Variants in FAM204A observed in about 807,000 individuals in gnomAD.
FAM204A encodes the protein protein FAM204A.
A neutral mutation model predicts 35.4 loss-of-function variants in FAM204A; 16 were observed. The ratio of observed to expected loss-of-function variants is 0.45; its 90% CI spans 0.31 to 0.69. The LOEUF (loss-of-function observed/expected upper bound fraction) is 0.69. FAM204A is among the 30% of genes least tolerant of loss of function. The pLI, the probability that FAM204A is intolerant of heterozygous loss-of-function variation, is 0.07. For missense variants in FAM204A, 240 were observed against 265.7 expected, an observed-to-expected ratio of 0.90 and a Z score of 0.67; for synonymous variants, 76 against 86.9, an observed-to-expected ratio of 0.88 and a Z score of 0.70.
At chr10:118,320,977 A>G (rs1846106976) in intron 7 of FAM204A, among the ~76,000 whole-genome samples, 2 of 151,558 alleles carry the variant, frequency 1.3e-5, no homozygotes, top group Admixed American at 1.3e-4. Flanking sequence ...ATTTTTCTCA[A>G]TACTGATGCT....
chr10:118,341,025 T>G (rs1333285293), intron 2 of FAM204A, among the ~76,000 whole-genome samples: 1 of 152,176 alleles, frequency 6.6e-6, no homozygotes, highest in Non-Finnish European at 1.5e-5. Flanking sequence ...GGTTAAGAAT[T>G]TTTTTCTGTA....
chr10:118,334,719 C>G (rs1346809919), intron 6 of FAM204A, among the ~76,000 whole-genome samples: 1 of 152,198 alleles, frequency 6.6e-6, no homozygotes, highest in African/African-American at 2.4e-5. Context: ...CCTCGCTGAC[C>G]CCATTCCAGC....
At chr10:118,329,774 T>G in intron 6 of FAM204A, among the ~76,000 whole-genome samples, 1 of 152,304 alleles carries the variant, frequency 6.6e-6, no homozygotes. Flanking sequence ...AGAAGACATT[T>G]GTTCAGTCTG....
At position 118,336,364 on chromosome 10, in the gene FAM204A, T is replaced by G; in HGVS notation, c.52A>C (p.Asn18His). Residue 18 changes from asparagine (N) to histidine (H), a missense_variant, in exon 3 of 9, where the codon AAC becomes CAC. Coordinates refer to ENST00000369183, the MANE Select transcript of FAM204A (RefSeq NM_022063.3). ...PGLNESDAES[N>H]SEDEATLENS... ...TCCAACGTAGCTTCATCTTCCGAGT[T>G]TGACTCAGCGTCACTTTCATTTAGG... 3.1e-6 allele frequency: 5 copies of G among 1,613,938 alleles called. No homozygotes were observed. Among genetic ancestry groups the G allele is most frequent in the Non-Finnish European group, 1.7e-6 (2 of 1,179,842 alleles).
At chr10:118,333,088 A>G (rs1846317832) in intron 6 of FAM204A, among the ~76,000 whole-genome samples, 1 of 152,198 alleles carries the variant, frequency 6.6e-6, no homozygotes, top group Non-Finnish European at 1.5e-5. Context: ...AAGCCTCTGC[A>G]TTGTCTGAGA....
chr10:118,320,339 T>C (rs703437), intron 7 of FAM204A, among the ~76,000 whole-genome samples: 150,694 of 151,466 alleles, frequency 0.99, 74,966 homozygotes, highest in Middle Eastern at 1. Flanking sequence ...CTGCTTCCTT[T>C]GTTAAATCTA....
intron 7 of FAM204A, among the ~76,000 whole-genome samples, chr10:118,314,593 G>A (rs886192713): frequency 1.3e-5 from 2 of 151,986 alleles, no homozygotes; most frequent in African/African-American, 2.4e-5. Flanking sequence ...AAAATAGGCC[G>A]AAAAGAATCC....
At chr10:118,337,129 A>G in intron 2 of FAM204A, 2 of 437,964 alleles carry the variant, frequency 4.6e-6, no homozygotes, top group Non-Finnish European at 6.1e-6. Flanking sequence ...CATTAGCTAT[A>G]CAGTCCATTA....
At chr10:118,323,667 T>A (rs1466224909) in intron 7 of FAM204A, among the ~76,000 whole-genome samples, 1 of 152,012 alleles carries the variant, frequency 6.6e-6, no homozygotes, top group African/African-American at 2.4e-5. Flanking sequence ...TCTCCCAACC[T>A]CACAGGTACT....
intron 7 of FAM204A, among the ~76,000 whole-genome samples, chr10:118,324,898 C>T (rs1490275499): frequency 6.6e-6 from 1 of 152,042 alleles, no homozygotes; most frequent in African/African-American, 2.4e-5. Flanking sequence ...TTCTGAAAGG[C>T]CATATAACTG....
At chr10:118,323,121 C>T (rs1375844001) in intron 7 of FAM204A, among the ~76,000 whole-genome samples, 4 of 152,036 alleles carry the variant, frequency 2.6e-5, no homozygotes, top group Non-Finnish European at 5.9e-5. Flanking sequence ...TCACAAAATA[C>T]GCAACTCTGG....
intron 7 of FAM204A, among the ~76,000 whole-genome samples, chr10:118,320,113 C>G (rs1055615493): frequency 5.1e-4 from 78 of 151,968 alleles, no homozygotes; most frequent in Non-Finnish European, 1.2e-4. Context: ...AGCAGGCTAA[C>G]ATGAAGATGC....
At position 118,302,672 on chromosome 10, in the gene FAM204A, C is replaced by T. The variant is rs751821494; in HGVS notation, c.*8185G>A. ...TCCAATTGAGTTCTTTGACACGGAA[C>T]CTTTCTTTTCCTTTTTTGGAAAATG... On this transcript the variant is annotated 3_prime_UTR_variant, in exon 9 of 9. Coordinates refer to ENST00000369183, the MANE Select transcript of FAM204A (RefSeq NM_022063.3). 1 of 152,170 alleles carries T rather than the reference C, an allele frequency of 6.6e-6. No individual in the cohort carries two copies. The highest frequency in any genetic ancestry group is 2.4e-5 in the African/African-American group (1 of 41,430). The allele number at this position is 152,170 out of a possible 1,614,324, so 9.4% of individuals were successfully genotyped here. A position where few individuals can be genotyped will look rare whatever the true frequency, so the allele number is the denominator to read the frequency against.
intron 7 of FAM204A, among the ~76,000 whole-genome samples, chr10:118,314,393 G>A (rs6585481): frequency 0.48 from 73,128 of 151,900 alleles, 18,961 homozygotes; most frequent in Middle Eastern, 0.62. Flanking sequence ...TGTGTCCTTC[G>A]TATAATTAAA....
At position 118,302,716 on chromosome 10, in the gene FAM204A, AGGCAGTCTG is replaced by A. The variant is rs1258149969; in HGVS notation, c.*8132_*8140del. The A allele has an allele frequency of 6.6e-6, 1 of 152,202 alleles. No homozygotes were observed. Among genetic ancestry groups the A allele is most frequent in the Non-Finnish European group, 1.5e-5 (1 of 68,048 alleles). 9.4% of individuals were successfully genotyped at this position (152,202 alleles called of 1,614,324 possible). The stretch of plus-strand genomic sequence containing the variant: ...GAAAATGGAAGTAATGTACTAGTAC[AGGCAGTCTG>A]TTTGGGAATATGAGCGTTTATATTA... On this transcript the variant is annotated 3_prime_UTR_variant, in exon 9 of 9. Transcript: ENST00000369183.
chr10:118,337,251 C>CTATTTTA lies in FAM204A; in HGVS notation c.-8-835_-8-829dup, dbSNP rs1846403488. On this transcript the variant is annotated intron_variant, in intron 2 of 8. Transcript: ENST00000369183. ...TCACTATTGATCTTCATGGCACAGT[C>CTATTTTA]TATTTTAGCACATATATTGAGCCAA... 3 of 984,856 alleles carry CTATTTTA rather than the reference C, an allele frequency of 3.0e-6. No individual in the cohort carries two copies. In the African/African-American group the frequency reaches 5.2e-5, roughly 17 times the overall value. 61.0% of individuals were successfully genotyped at this position (984,856 alleles called of 1,614,324 possible). A position where few individuals can be genotyped will look rare whatever the true frequency, so the allele number is the denominator to read the frequency against.
intron 7 of FAM204A, among the ~76,000 whole-genome samples, chr10:118,312,333 A>C (rs1039921922): frequency 6.6e-6 from 1 of 152,226 alleles, no homozygotes; most frequent in Non-Finnish European, 1.5e-5. Flanking sequence ...GAAATGACCT[A>C]GAAGCCACTC....
rs1201813904 is a variant in FAM204A at position 118,336,175 on chromosome 10, A to C, written c.234+7T>G. 6.2e-7 allele frequency: 1 copy of C among 1,611,468 alleles called. No individual in the cohort carries two copies. The highest frequency in any genetic ancestry group is 1.3e-5 in the African/African-American group (1 of 74,822). On this transcript the variant is annotated splice_region_variant and intron_variant, in intron 3 of 8. Coordinates refer to ENST00000369183, the MANE Select transcript of FAM204A (RefSeq NM_022063.3). The stretch of plus-strand genomic sequence containing the variant: ...GCTGTAGCAAGAGCATTTCAGAGAA[A>C]ACCTACATTCCACATATCTATGGGA...
rs1463239846 is a variant in FAM204A at position 118,299,690 on chromosome 10, C to G, written c.*11167G>C. ...GCGACCACACTTGGCCCAGAAAGGT[C>G]TTGAGTGCTCATTCCCTAAGGCCGA... On this transcript the variant is annotated 3_prime_UTR_variant, in exon 9 of 9. Transcript: ENST00000369183. The G allele has an allele frequency of 6.6e-6, 1 of 152,008 alleles. No individual in the cohort carries two copies. The highest frequency in any genetic ancestry group is 1.5e-5 in the Non-Finnish European group (1 of 68,012). 9.4% of individuals were successfully genotyped at this position (152,008 alleles called of 1,614,324 possible). A position where few individuals can be genotyped will look rare whatever the true frequency, so the allele number is the denominator to read the frequency against.
Sources: gnomAD v4.1 joint callset for allele counts (sites outside exome capture counted in the v4.1 genomes callset) on GRCh38, gnomAD v4.1.1 for gene constraint, MANE v1.5 for transcripts, NCBI Gene and HGNC (gene_info 2026-07-23, HGNC 2026-07-21) for gene names.